The following SCN8A variants were observed in gnomAD, a reference collection of about 807,000 sequenced individuals.
SCN8A encodes sodium voltage-gated channel alpha subunit 8, also known as sodium channel protein type 8 subunit alpha.
SCN8A carries 30 observed loss-of-function variants against 184.1 expected under a neutral mutation model. The observed-to-expected ratio is 0.16, with a 90% CI of 0.12 to 0.22. The LOEUF (loss-of-function observed/expected upper bound fraction) is 0.22. Ranked by LOEUF, SCN8A falls within the 10% of genes least tolerant of loss-of-function variation. The probability of loss-of-function intolerance (pLI) is 1.00; values close to 1 mark genes in which losing one functional copy is unlikely to be tolerated. For missense variants in SCN8A, 1,057 were observed against 2,498.9 expected (o/e 0.42, Z 12.30); for synonymous variants, 852 against 907.0 (o/e 0.94, Z 1.09).
chr12:51,670,641 A>T (rs180796509), intron 2 of SCN8A, among the ~76,000 whole-genome samples: 6 of 152,280 alleles, frequency 3.9e-5, no homozygotes, highest in Admixed American at 3.3e-4. Context: ...CTGTGCTTAG[A>T]GAGGTGAATG....
chr12:51,618,410 T>C (rs1369052795), intron 1 of SCN8A, among the ~76,000 whole-genome samples: 2 of 151,150 alleles, frequency 1.3e-5, no homozygotes, highest in East Asian at 1.9e-4. Context: ...GGGGCACAGT[T>C]CTGGATTTGG....
intron 12 of SCN8A, among the ~76,000 whole-genome samples, chr12:51,734,676 G>T (rs1347324963): frequency 6.6e-6 from 1 of 152,216 alleles, no homozygotes; most frequent in Non-Finnish European, 1.5e-5. Flanking sequence ...TTTGGGGCCA[G>T]TTTATGGCCA....
At chr12:51,757,586 C>T (rs1047830333) in intron 14 of SCN8A, among the ~76,000 whole-genome samples, 1 of 152,204 alleles carries the variant, frequency 6.6e-6, no homozygotes, top group Non-Finnish European at 1.5e-5. Context: ...ATAGGCCTTA[C>T]TTGTTGACCT....
rs1941464495 is a variant in SCN8A, at chr12:51,689,008, T to C, written c.618T>C (p.Tyr206=). ...WLDFSVIMMA[Y]VTEFVDLGNV... is the part of the protein sequence containing the mutation. ...TGTGTGACCTCCCTTACTACAGATATGTGACAGAGTTTGTGGACCTGGGCA... is the reference window on the plus strand; with the variant it reads ...TGTGTGACCTCCCTTACTACAGATACGTGACAGAGTTTGTGGACCTGGGCA... Residue 206 remains tyrosine, a synonymous_variant, in exon 6 of 27, where the codon TAT becomes TAC. Coordinates refer to ENST00000627620, the MANE Select transcript of SCN8A (RefSeq NM_001330260.2). The C allele has an allele frequency of 3.1e-6, 5 of 1,613,722 alleles. No homozygotes were observed. The highest frequency in any genetic ancestry group is 2.2e-5 in the East Asian group (1 of 44,870).
intron 1 of SCN8A, among the ~76,000 whole-genome samples, chr12:51,650,000 T>G (rs1232970692): frequency 6.6e-6 from 1 of 152,236 alleles, no homozygotes; most frequent in African/African-American, 2.4e-5. Context: ...GCTTTGCTGC[T>G]TAGAAATTTC....
At chr12:51,711,171 A>G (rs1187268024) in intron 11 of SCN8A, among the ~76,000 whole-genome samples, 2 of 152,206 alleles carry the variant, frequency 1.3e-5, no homozygotes, top group African/African-American at 4.8e-5. Flanking sequence ...CTGAGCTATG[A>G]ATACCTTAGC....
intron 12 of SCN8A, among the ~76,000 whole-genome samples, chr12:51,728,731 CA>C (rs10560307): frequency 0.04 from 5,576 of 140,234 alleles, 283 homozygotes; most frequent in African/African-American, 0.15. Flanking sequence ...CCCTGTTTCC[CA>C]AAAAAAAAAA....
intron 12 of SCN8A, among the ~76,000 whole-genome samples, chr12:51,726,137 A>C (rs933889659): frequency 3.0e-4 from 46 of 152,320 alleles, no homozygotes; most frequent in African/African-American, 9.9e-4. Context: ...TTCAGTTGTG[A>C]TTGAGTGTTG....
At position 51,769,142 on chromosome 12, in the gene SCN8A, A is replaced by G; in HGVS notation, c.3179A>G (p.Gln1060Arg). The change falls in exon 17 of 27, where the codon CAG becomes CGG. Residue 1060 changes from glutamine (Q) to arginine (R), a missense_variant. Gln to Arg is a conservative substitution (Grantham distance 43, BLOSUM62 1). Coordinates refer to ENST00000627620, the MANE Select transcript of SCN8A (RefSeq NM_001330260.2). ...GACATCCACCGGAATGGTGACTTCC[A>G]GAAGAATGGCAATGGCACAACCAGC... ...GADIHRNGDF[Q>R]KNGNGTTSGI... is the part of the protein sequence containing the mutation. The G allele has an allele frequency of 1.9e-6, 3 of 1,613,500 alleles. No homozygotes were observed. Among genetic ancestry groups the G allele is most frequent in the Non-Finnish European group, 2.5e-6 (3 of 1,179,660 alleles).
intron 1 of SCN8A, among the ~76,000 whole-genome samples, chr12:51,628,472 T>C (rs1940127310): frequency 6.6e-6 from 1 of 152,124 alleles, no homozygotes; most frequent in Admixed American, 6.6e-5. Flanking sequence ...GTTAAGCAGA[T>C]AGGGCAAGAA....
chr12:51,691,973 A>T (rs1223573572), intron 6 of SCN8A, among the ~76,000 whole-genome samples: 1 of 152,166 alleles, frequency 6.6e-6, no homozygotes, highest in Non-Finnish European at 1.5e-5. Flanking sequence ...GAGTCAGTGG[A>T]TCTGGGCCAT....
At chr12:51,601,905 T>C (rs1042866355) in intron 1 of SCN8A, among the ~76,000 whole-genome samples, 1 of 146,596 alleles carries the variant, frequency 6.8e-6, no homozygotes, top group African/African-American at 2.6e-5. Context: ...TAATACTCAA[T>C]GCAATCTGTT....
chr12:51,714,393 TACAC>T (rs1169116394), intron 11 of SCN8A, among the ~76,000 whole-genome samples: 2 of 152,216 alleles, frequency 1.3e-5, no homozygotes, highest in Non-Finnish European at 2.9e-5. Flanking sequence ...ATCTTCCAAA[TACAC>T]ACAAGATTTT....
chr12:51,605,469 C>T (rs758326092), intron 1 of SCN8A, among the ~76,000 whole-genome samples: 6 of 152,080 alleles, frequency 3.9e-5, no homozygotes, highest in Non-Finnish European at 8.8e-5. Context: ...ATATATACAC[C>T]ACAGTTTCTT....
At chr12:51,642,065 A>G (rs571234102) in intron 1 of SCN8A, among the ~76,000 whole-genome samples, 5 of 152,186 alleles carry the variant, frequency 3.3e-5, no homozygotes, top group African/African-American at 1.2e-4. Context: ...TTTCTCCTGC[A>G]CCATGCTCTG....
intron 12 of SCN8A, among the ~76,000 whole-genome samples, chr12:51,728,213 A>G (rs1942184778): frequency 1.3e-5 from 2 of 152,130 alleles, no homozygotes; most frequent in South Asian, 4.1e-4. Flanking sequence ...CTCTCTCTTC[A>G]TGAATCAGCC....
rs140148675 is a variant in SCN8A at position 51,749,945 on chromosome 12, A to G, written c.2132-1410A>G. 3.0e-4 allele frequency among the ~76,000 whole-genome samples: 46 copies of G among 152,308 alleles called. No homozygotes were observed. In the East Asian group the frequency reaches 7.9e-3, roughly 26 times the overall value. On this transcript the variant is annotated intron_variant, in intron 13 of 26. Coordinates refer to ENST00000627620, the MANE Select transcript of SCN8A (RefSeq NM_001330260.2). Reference sequence around the variant, plus strand: ...ACAGGTTTTCAAAGTTCACCTCTTAAAAAGCATCCTCTTAGCTCAGGGTCC... The same window carrying G: ...ACAGGTTTTCAAAGTTCACCTCTTAGAAAGCATCCTCTTAGCTCAGGGTCC...
chr12:51,693,492 C>T (rs1941544524), intron 6 of SCN8A, among the ~76,000 whole-genome samples: 1 of 152,164 alleles, frequency 6.6e-6, no homozygotes, highest in Admixed American at 6.5e-5. Flanking sequence ...TCACTGTAGG[C>T]TGGGTGCAGT....
At chr12:51,768,805 C>A in intron 16 of SCN8A, 60 bp from the exon 17 acceptor site, 1 of 1,424,400 alleles carries the variant, frequency 7.0e-7, no homozygotes, top group Non-Finnish European at 9.4e-7. Flanking sequence ...AGTTTGCAAC[C>A]CTGAGTTCGA....
Sources: gnomAD v4.1 joint callset for allele counts (sites outside exome capture counted in the v4.1 genomes callset) on GRCh38, gnomAD v4.1.1 for gene constraint, MANE v1.5 for transcripts, NCBI Gene and HGNC (gene_info 2026-07-23, HGNC 2026-07-21) for gene names.